The following ZNF121 variants were observed in gnomAD, a reference collection of about 807,000 sequenced individuals.
ZNF121 encodes zinc finger protein 121.
A neutral mutation model predicts 2.4 loss-of-function variants in ZNF121; 1 was observed. That is an observed-to-expected ratio of 0.41 (90% CI 0.15 to 1.94). The LOEUF is 1.94. Among genes scored for constraint, ZNF121 ranks in the 30% most tolerant of loss-of-function variants. The probability of loss-of-function intolerance (pLI) is 0.30; values close to 1 mark genes in which losing one functional copy is unlikely to be tolerated. For synonymous variants in ZNF121, 173 were observed against 158.6 expected (o/e 1.09, Z -0.68); for missense variants, 369 against 466.3 (o/e 0.79, Z 1.92).
chr19:9,581,147 A>G (rs1319193922), intron 1 of ZNF121, among the ~76,000 whole-genome samples: 3 of 152,188 alleles, frequency 2.0e-5, no homozygotes, highest in Non-Finnish European at 4.4e-5. Flanking sequence ...GAGTGTTAGG[A>G]ATAACGCTCA....
intron 1 of ZNF121, among the ~76,000 whole-genome samples, chr19:9,579,050 G>A (rs2074231264): frequency 2.1e-5 from 3 of 146,172 alleles, no homozygotes; most frequent in Admixed American, 2.0e-4. Context: ...CTCAAAAAAC[G>A]ACATACAAAT....
rs747520773 is a variant in ZNF121, at chr19:9,562,533, C to G, written c.*3407G>C. 1.7e-3 allele frequency: 298 copies of G among 179,666 alleles called. 2 individuals are homozygous for G. Among genetic ancestry groups the G allele is most frequent in the Middle Eastern group, 9.0e-3 (18 of 1,998 alleles). 11.1% of individuals were successfully genotyped at this position (179,666 alleles called of 1,614,324 possible). ...CACAAACCACAACCTTCGAAGACAG[C>G]AAACTTAACAAATGCTATGTTCTCA... On this transcript the variant is annotated 3_prime_UTR_variant, in exon 4 of 4. Transcript: ENST00000320451.
In ZNF121 at chr19:9,567,086, T is replaced by C. The variant is rs1400080521; in HGVS notation, c.27A>G (p.Glu9=). The C allele has an allele frequency of 1.9e-6, 3 of 1,611,588 alleles. No homozygotes were observed. The Admixed American group carries it at 5.0e-5, about 27-fold the overall frequency. Residue 9 remains glutamate (E), a synonymous_variant, in exon 4 of 4, where the codon GAA becomes GAG. Transcript: ENST00000320451. ...CTCCATTTTCCATAAAGTCACAGAG[T>C]TCCCCTCCATTGTGGATTTCTGCCT... The part of the protein sequence containing the change: MAEIHNGG[E]LCDFMENGEI...
In ZNF121 at chr19:9,568,173, A is replaced by G; in HGVS notation, c.-76T>C. On this transcript the variant is annotated splice_region_variant and 5_prime_UTR_variant, in exon 3 of 4. An upstream start codon of the reference 5' UTR is lost. Transcript: ENST00000320451. Reference sequence around the variant, plus strand: ...GCTGACACTTTGGTTTTAACTTGCCATTCTGAAGTAAAACAGAAAAAAAGA... The same window carrying G: ...GCTGACACTTTGGTTTTAACTTGCCGTTCTGAAGTAAAACAGAAAAAAAGA... 1 of 1,439,968 alleles carries G rather than the reference A, an allele frequency of 6.9e-7. No individual in the cohort carries two copies. The highest frequency in any genetic ancestry group is 9.4e-7 in the Non-Finnish European group (1 of 1,068,814). 89.2% of individuals were successfully genotyped at this position (1,439,968 alleles called of 1,614,324 possible).
chr19:9,578,044 A>C lies in ZNF121; in HGVS notation c.-160+6417T>G, dbSNP rs924025870. Among the ~76,000 whole-genome samples, 865 of 131,728 alleles carry C rather than the reference A, an allele frequency of 6.6e-3. 8 individuals carry two copies. The highest frequency in any genetic ancestry group is 0.033 in the African/African-American group (832 of 25,018). 86.4% of individuals were successfully genotyped at this position (131,728 alleles called of 152,430 possible). ...CATCTCTACTAAAAAAAAAAATACA[A>C]AAAAAAAAAAAAATTAGCCTGGCGT... On this transcript the variant is annotated intron_variant, in intron 1 of 3. Coordinates refer to ENST00000320451, the MANE Select transcript of ZNF121 (RefSeq NM_001008727.5).
At position 9,565,983 on chromosome 19, in the gene ZNF121, T is replaced by C. The variant is rs774951101; in HGVS notation, c.1130A>G (p.Tyr377Cys). The change falls in exon 4 of 4, where the codon TAC becomes TGC. Residue 377 changes from tyrosine to cysteine, a missense_variant. Around this residue, in one of 4 missense-constraint regions of ZNF121, gnomAD observed 127 missense variants for 169.9 expected, o/e 0.75. Transcript: ENST00000320451. ...PYICNECGKA[Y>C]NRFYLLTKHL... ...TTTAGTAAGTAAATAAAATCTATTG[T>C]AGGCTTTCCCACATTCGTTACATAT... 8 of 1,596,940 alleles carry C rather than the reference T, an allele frequency of 5.0e-6. No individual in the cohort carries two copies. The highest frequency in any genetic ancestry group is 6.0e-6 in the Non-Finnish European group (7 of 1,172,422).
At chr19:9,575,749 A>G (rs1172731407) in intron 1 of ZNF121, among the ~76,000 whole-genome samples, 1 of 149,246 alleles carries the variant, frequency 6.7e-6, no homozygotes, top group Non-Finnish European at 1.5e-5. Flanking sequence ...TCTCAAAAAT[A>G]AAAAAAAAAG....
Position 9,560,522 on chromosome 19 carries a change from A to G in ZNF121, c.*5418T>C, listed in dbSNP as rs1483825394. ...TTTTCTCCTCCACCAGCTTGTGGCA[A>G]ATACCGCAGTACTTTGTTCTTCTGA... On this transcript the variant is annotated 3_prime_UTR_variant, in exon 4 of 4. Transcript: ENST00000320451. 2 of 152,158 alleles carry G rather than the reference A, an allele frequency of 1.3e-5. No homozygotes were observed. Among genetic ancestry groups the G allele is most frequent in the Non-Finnish European group, 2.9e-5 (2 of 68,042 alleles). 9.4% of individuals were successfully genotyped at this position (152,158 alleles called of 1,614,324 possible). A position where few individuals can be genotyped will look rare whatever the true frequency, so the allele number is the denominator to read the frequency against.
At chr19:9,574,156 A>AT (rs1433235455) in intron 1 of ZNF121, among the ~76,000 whole-genome samples, 3 of 150,440 alleles carry the variant, frequency 2.0e-5, no homozygotes, top group African/African-American at 7.3e-5. Context: ...TTATTTATAC[A>AT]TTTTTTTGAG....
chr19:9,568,577 G>A lies in ZNF121; in HGVS notation c.-78-402C>T, dbSNP rs576777912. ...TTTAGTAGAGACGGGGTTTCTCCATGTTGGCCAGGCTGGTCTCAACTCCTG... is the reference window on the plus strand; with the variant it reads ...TTTAGTAGAGACGGGGTTTCTCCATATTGGCCAGGCTGGTCTCAACTCCTG... On this transcript the variant is annotated intron_variant, in intron 2 of 3. Transcript: ENST00000320451. Among the ~76,000 whole-genome samples the A allele has an allele frequency of 1.6e-4, 24 of 152,126 alleles. No individual in the cohort carries two copies. The Middle Eastern group carries it at 0.017, about 108-fold the overall frequency.
rs2074110499 is a variant in ZNF121, at chr19:9,563,086, CA to C, written c.*2853del. ...AAAAAAAAAAAAAACTGGGATAGGC[CA>C]AAATCTAGGCCTCTTGTGCCAGTTA... On this transcript the variant is annotated 3_prime_UTR_variant, in exon 4 of 4. Transcript: ENST00000320451. The C allele has an allele frequency of 6.7e-6, 1 of 149,120 alleles. No homozygotes were observed. The highest frequency in any genetic ancestry group is 1.5e-5 in the Non-Finnish European group (1 of 67,496). The allele number at this position is 149,120 out of a possible 1,614,324, so 9.2% of individuals were successfully genotyped here.
At chr19:9,573,520 C>G (rs2074188537) in intron 1 of ZNF121, among the ~76,000 whole-genome samples, 1 of 152,102 alleles carries the variant, frequency 6.6e-6, no homozygotes, top group Non-Finnish European at 1.5e-5. Flanking sequence ...CTTGAAAGAC[C>G]AAACCTAGGA....
chr19:9,576,725 G>A (rs529793162), intron 1 of ZNF121, among the ~76,000 whole-genome samples: 1 of 151,970 alleles, frequency 6.6e-6, no homozygotes, highest in African/African-American at 2.4e-5. Flanking sequence ...CCAACCTTTG[G>A]CTAGACTAAG....
At position 9,565,669 on chromosome 19, in the gene ZNF121, CAAATAAAATA is replaced by C. The variant is rs57109713; in HGVS notation, c.*261_*270del. 0.4 allele frequency: 59,402 copies of C among 148,060 alleles called. 13,432 individuals are homozygous for C. Among genetic ancestry groups the C allele is most frequent in the Non-Finnish European group, 0.49 (34,095 of 69,124 alleles). The allele number at this position is 148,060 out of a possible 1,614,324, so 9.2% of individuals were successfully genotyped here. A position where few individuals can be genotyped will look rare whatever the true frequency, so the allele number is the denominator to read the frequency against. The stretch of plus-strand genomic sequence containing the variant: ...TGATGACAACAGCAAAACTCTGTCT[CAAATAAAATA>C]AAATAAAATAAAATAAAATAAAATA... On this transcript the variant is annotated 3_prime_UTR_variant, in exon 4 of 4. Transcript: ENST00000320451.
intron 1 of ZNF121, among the ~76,000 whole-genome samples, chr19:9,582,007 A>G (rs972365789): frequency 2.0e-5 from 3 of 152,192 alleles, no homozygotes; most frequent in Non-Finnish European, 4.4e-5. Context: ...AACAAGCACA[A>G]TGCTCAAAAA....
intron 1 of ZNF121, among the ~76,000 whole-genome samples, chr19:9,574,876 G>A (rs1220482175): frequency 6.6e-6 from 1 of 152,044 alleles, no homozygotes. Flanking sequence ...GTTAACACAG[G>A]TCTTTGAATA....
intron 1 of ZNF121, among the ~76,000 whole-genome samples, chr19:9,580,732 G>A (rs868014088): frequency 6.6e-6 from 1 of 152,164 alleles, no homozygotes; most frequent in African/African-American, 2.4e-5. Context: ...GATACTCAAC[G>A]TGTCCATGTT....
In ZNF121 at chr19:9,566,309, A is replaced by G; in HGVS notation, c.804T>C (p.Ser268=). 1 of 1,613,908 alleles carries G rather than the reference A, an allele frequency of 6.2e-7. No homozygotes were observed. The highest frequency in any genetic ancestry group is 8.5e-7 in the Non-Finnish European group (1 of 1,179,964). Residue 268 remains serine, a synonymous_variant, in exon 4 of 4, where the codon TCT becomes TCC. Coordinates refer to ENST00000320451, the MANE Select transcript of ZNF121 (RefSeq NM_001008727.5). ...CKVCGKSFRS[S]SCLKNHFRIH... The stretch of plus-strand genomic sequence containing the variant: ...TTCTAAAGTGATTCTTAAGGCATGA[A>G]GAGCTTCTGAAGGATTTTCCACATA...
chr19:9,577,391 C>T (rs1362349520), intron 1 of ZNF121, among the ~76,000 whole-genome samples: 6 of 151,362 alleles, frequency 4.0e-5, no homozygotes, highest in Admixed American at 2.6e-4. Context: ...CGGAGGTTGC[C>T]GTGAGCCAAG....
Sources: gnomAD v4.1 joint callset for allele counts (sites outside exome capture counted in the v4.1 genomes callset) on GRCh38, gnomAD v4.1.1 for gene constraint, gnomAD v4.1.1 regional missense constraint, MANE v1.5 for transcripts, NCBI Gene and HGNC (gene_info 2026-07-23, HGNC 2026-07-21) for gene names.